Variants in KRT2 observed in about 807,000 individuals in gnomAD.
KRT2 encodes the protein keratin, type II cytoskeletal 2 epidermal.
A neutral mutation model predicts 48.5 loss-of-function variants in KRT2; 37 were observed. The ratio of observed to expected loss-of-function variants is 0.76; its 90% confidence interval spans 0.59 to 1.00. The LOEUF is 1.00. Ranked by LOEUF, KRT2 falls within the 50% of genes least tolerant of loss-of-function variation. The pLI, the probability that KRT2 is intolerant of heterozygous loss-of-function variation, is 0.00. For synonymous variants in KRT2, 324 were observed against 312.2 expected, an observed-to-expected ratio of 1.04 and a Z score of -0.40; for missense variants, 880 against 815.2, an observed-to-expected ratio of 1.08 and a Z score of -0.97.
At chr12:52,647,897 C>T (rs1160070219) in intron 5 of KRT2, 42 bp from the exon 6 acceptor site, 1 of 1,613,168 alleles carries the variant, frequency 6.2e-7, no homozygotes, top group South Asian at 1.1e-5. Context: ...GAAGTTCCAG[C>T]CTGGCTCACA....
Position 52,651,857 on chromosome 12 carries a change from A to AGCCGCTGCCGCCTCCAAG in KRT2, c.285_286insCTTGGAGGCGGCAGCGGC (p.Gly95_Phe96insLeuGlyGlyGlySerGly), listed in dbSNP as rs748007019. On this transcript the variant is annotated inframe_insertion, in exon 1 of 9. Transcript: ENST00000309680. ...CCTCCAAAGCTGCTGCCGCCTCCAA[A>AGCCGCTGCCGCCTCCAAG]ACCACCTCCTCTGCCACCAAATCCA... The AGCCGCTGCCGCCTCCAAG allele has an allele frequency of 6.2e-7, 1 of 1,604,604 alleles. No individual in the cohort carries two copies. The highest frequency in any genetic ancestry group is 8.5e-7 in the Non-Finnish European group (1 of 1,174,894).
chr12:52,647,946 T>TGAC (rs1592255983), intron 5 of KRT2, 91 bp from the exon 6 acceptor site: 2 of 1,551,308 alleles, frequency 1.3e-6, no homozygotes, highest in East Asian at 4.5e-5. Context: ...TGGTTACTGG[T>TGAC]CCAGGGAGGG....
At chr12:52,646,558 G>GT (rs1168275633) in intron 7 of KRT2, among the ~76,000 whole-genome samples, 182 bp downstream of exon 7, 4 of 152,214 alleles carry the variant, frequency 2.6e-5, no homozygotes, top group Non-Finnish European at 5.9e-5. Context: ...TGATAAATGT[G>GT]TAACTCTCCA....
chr12:52,645,647 G>T (rs574546520), intron 7 of KRT2, 78 bp from the exon 8 acceptor site: 3 of 1,442,852 alleles, frequency 2.1e-6, no homozygotes, highest in Admixed American at 1.7e-5. Context: ...ACTTCCACCC[G>T]CAAATGTGCA....
chr12:52,649,564 C>T (rs1941218423), intron 3 of KRT2, among the ~76,000 whole-genome samples: 1 of 152,208 alleles, frequency 6.6e-6, no homozygotes, highest in Non-Finnish European at 1.5e-5. Context: ...GCACAACCAA[C>T]AGCAACTTTA....
chr12:52,650,612 C>A, intron 1 of KRT2, 59 bp from the exon 2 acceptor site: 2 of 1,446,716 alleles, frequency 1.4e-6, no homozygotes, highest in South Asian at 1.1e-5. Context: ...CCAAGCAAGC[C>A]ACGCTGGCCA....
At chr12:52,650,754 G>T (rs536577902) in intron 1 of KRT2, 4 of 634,762 alleles carry the variant, frequency 6.3e-6, no homozygotes, top group African/African-American at 3.6e-5. Context: ...GCTACATCCG[G>T]CTCTCTCCAC....
chr12:52,646,662 G>A, intron 7 of KRT2, 78 bp downstream of exon 7: 1 of 1,526,858 alleles, frequency 6.5e-7, no homozygotes, highest in Non-Finnish European at 9.1e-7. Context: ...TGCTTTCCCT[G>A]TCTTTGCCTC....
rs1400843529 is a variant in KRT2, at chr12:52,651,616, G to A, written c.527C>T (p.Ala176Val). The part of the protein sequence containing the change: ...KVDPEIQNVK[A>V]QEREQIKTLN... ...AGTTTTGATCTGCTCACGCTCTTGGGCCTTCACATTCTGGATCTCTGGGTC... is the reference window on the plus strand; with the variant it reads ...AGTTTTGATCTGCTCACGCTCTTGGACCTTCACATTCTGGATCTCTGGGTC... Residue 176 changes from alanine to valine, a missense_variant, in exon 1 of 9, where the codon GCC becomes GTC. Physicochemically the swap from Ala to Val is moderately conservative, Grantham distance 64 (BLOSUM62 0). Coordinates refer to ENST00000309680, the MANE Select transcript of KRT2 (RefSeq NM_000423.3). 1 of 1,614,096 alleles carries A rather than the reference G, an allele frequency of 6.2e-7. No individual in the cohort carries two copies. The highest frequency in any genetic ancestry group is 8.5e-7 in the Non-Finnish European group (1 of 1,180,026).
chr12:52,650,775 C>T, intron 1 of KRT2: 1 of 592,746 alleles, frequency 1.7e-6, no homozygotes, highest in Non-Finnish European at 3.0e-6. Context: ...GCAGAGGAGA[C>T]TCTTTGCTGC....
Position 52,650,398 on chromosome 12 carries a change from T to C in KRT2, c.741A>G (p.Arg247=). Residue 247 remains arginine, a synonymous_variant, in exon 2 of 9, where the codon AGA becomes AGG. Transcript: ENST00000309680. ...TATTCAGCTCTGAATTCTGTGATGT[T>C]CTTTCTGCAGTGAGCCCATCCAGAT... ...KRYLDGLTAE[R]TSQNSELNNM... The C allele has an allele frequency of 6.2e-7, 1 of 1,614,236 alleles. No individual in the cohort carries two copies. Among genetic ancestry groups the C allele is most frequent in the South Asian group, 1.1e-5 (1 of 91,084 alleles).
Position 52,652,008 on chromosome 12 carries a change from G to A in KRT2, c.135C>T (p.Arg45=), listed in dbSNP as rs757457790. 6.2e-7 allele frequency: 1 copy of A among 1,611,220 alleles called. No individual in the cohort carries two copies. Among genetic ancestry groups the A allele is most frequent in the East Asian group, 2.2e-5 (1 of 44,882 alleles). Residue 45 remains arginine, a synonymous_variant, in exon 1 of 9, where the codon CGC becomes CGT. Transcript: ENST00000309680. ...CGAAGCCCCCGCCACCACCACCATG[G>A]CGGCTCAAGCAGGAGAAGCTGGAAG... The part of the protein sequence containing the change: ...RSTSSFSCLS[R]HGGGGGGFGG...
At chr12:52,645,457 C>G (rs756597090) in intron 8 of KRT2, 23 bp from the exon 9 acceptor site, 1 of 1,614,170 alleles carries the variant, frequency 6.2e-7, no homozygotes, top group Non-Finnish European at 8.5e-7. Flanking sequence ...GTGGTGTTAC[C>G]ACAGAGATTA....
intron 7 of KRT2, 67 bp from the exon 8 acceptor site, chr12:52,645,636 C>T: frequency 6.6e-7 from 1 of 1,516,346 alleles, no homozygotes; most frequent in Non-Finnish European, 9.2e-7. Flanking sequence ...GTTGTTTTAC[C>T]ACTTCCACCC....
chr12:52,650,478 G>A lies in KRT2; in HGVS notation c.661C>T (p.Arg221Cys), dbSNP rs762825254. ...AAGATGGGCTCCAGGTTGATGGGGC[G>A]GGTGCCAACATTCATTTGTTGTAGC... ...ELLQQMNVGT[R>C]PINLEPIFQG... is the part of the protein sequence containing the mutation. Residue 221 changes from arginine (R) to cysteine (C), a missense_variant, in exon 2 of 9, where the codon CGC becomes TGC. Coordinates refer to ENST00000309680, the MANE Select transcript of KRT2 (RefSeq NM_000423.3). 114 of 1,613,808 alleles carry A rather than the reference G, an allele frequency of 7.1e-5. 1 individual carries two copies. In the Admixed American group the frequency reaches 7.7e-4, roughly 11 times the overall value.
In KRT2 at chr12:52,648,334, T is replaced by C. The variant is rs1434315654; in HGVS notation, c.961A>G (p.Ile321Val). Residue 321 changes from isoleucine to valine, a missense_variant, in exon 5 of 9, where the codon ATA becomes GTA. Coordinates refer to ENST00000309680, the MANE Select transcript of KRT2 (RefSeq NM_000423.3). Reference protein sequence around the residue: ...EFLKVLYDAEISQIHQSVTDT... With the variant: ...EFLKVLYDAEVSQIHQSVTDT... ...GTGACACTCTGATGTATCTGGGATA[T>C]CTCCTACAACACACAGGAAGGTCTG... 6.2e-7 allele frequency: 1 copy of C among 1,613,892 alleles called. No individual in the cohort carries two copies. Among genetic ancestry groups the C allele is most frequent in the Non-Finnish European group, 8.5e-7 (1 of 1,179,830 alleles).
In KRT2 at chr12:52,644,978, G is replaced by C; in HGVS notation, c.*41C>G. The C allele has an allele frequency of 6.2e-7, 1 of 1,609,466 alleles. No individual in the cohort carries two copies. The highest frequency in any genetic ancestry group is 8.5e-7 in the Non-Finnish European group (1 of 1,175,914). The stretch of plus-strand genomic sequence containing the variant: ...CAGGCTTCTACATTCTGGAGTGGGA[G>C]AGTCTGGGTTGGGAGAGTCGGTGGT... On this transcript the variant is annotated 3_prime_UTR_variant, in exon 9 of 9. Coordinates refer to ENST00000309680, the MANE Select transcript of KRT2 (RefSeq NM_000423.3).
chr12:52,650,197 C>T, intron 2 of KRT2, 142 bp downstream of exon 2: 1 of 838,500 alleles, frequency 1.2e-6, no homozygotes, highest in Admixed American at 1.8e-5. Context: ...CACTGTCTTC[C>T]TCACAAATAA....
rs2634041 is a variant in KRT2 at position 52,651,842 on chromosome 12, T to C, written c.301A>G (p.Ser101Gly). The C allele has an allele frequency of 0.079, 125,277 of 1,595,092 alleles. 6,525 individuals carry two copies. Among genetic ancestry groups the C allele is most frequent in the African/African-American group, 0.23 (16,756 of 74,062 alleles). ...CTGAAGCCGCTGCCACCTCCAAAGCTGCTGCCGCCTCCAAAACCACCTCCT... is the reference window on the plus strand; with the variant it reads ...CTGAAGCCGCTGCCACCTCCAAAGCCGCTGCCGCCTCCAAAACCACCTCCT... ...GRGGGFGGGS[S>G]FGGGSGFSGG... The change falls in exon 1 of 9, where the codon AGC becomes GGC. Residue 101 changes from serine (S) to glycine (G), a missense_variant. By Grantham distance (56) the Ser-to-Gly change is moderately conservative. Coordinates refer to ENST00000309680, the MANE Select transcript of KRT2 (RefSeq NM_000423.3).
Sources: allele counts gnomAD v4.1 joint callset (sites outside exome capture counted in the v4.1 genomes callset), GRCh38; gene constraint gnomAD v4.1.1; transcripts MANE v1.5; gene names NCBI Gene and HGNC (gene_info 2026-07-23, HGNC 2026-07-21).